The following MGAT4C variants were observed in gnomAD, a reference collection of about 807,000 sequenced individuals.
MGAT4C encodes the protein MGAT4 family member C, also known as alpha-1,3-mannosyl-glycoprotein 4-beta-N-acetylglucosaminyltransferase C.
MGAT4C carries 19 observed loss-of-function variants against 40.1 expected under a neutral mutation model. The observed-to-expected ratio is 0.47, with a 90% CI of 0.33 to 0.70. MGAT4C has a LOEUF of 0.70. Ranked by LOEUF, MGAT4C falls within the 30% of genes least tolerant of loss-of-function variation. The pLI is 0.02. For synonymous variants in MGAT4C, 181 were observed against 187.1 expected (o/e 0.97, Z 0.27); for missense variants, 491 against 563.2 (o/e 0.87, Z 1.30).
At chr12:86,656,891 T>C (rs1963863927) in intron 2 of MGAT4C, among the ~76,000 whole-genome samples, 1 of 152,216 alleles carries the variant, frequency 6.6e-6, no homozygotes, top group Non-Finnish European at 1.5e-5. Context: ...TGAAATTATG[T>C]TTTTCTTAAT....
intron 1 of MGAT4C, among the ~76,000 whole-genome samples, chr12:86,216,868 G>C (rs1479724853): frequency 1.3e-5 from 2 of 152,084 alleles, no homozygotes; most frequent in African/African-American, 2.4e-5. Flanking sequence ...ATAAGCTCAT[G>C]TTATCTTTGT....
chr12:86,218,119 T>C (rs962106894), intron 1 of MGAT4C, among the ~76,000 whole-genome samples: 2 of 152,006 alleles, frequency 1.3e-5, no homozygotes, highest in Admixed American at 6.5e-5. Flanking sequence ...TTTTAGGTCA[T>C]TGGAAAAAAA....
intron 1 of MGAT4C, among the ~76,000 whole-genome samples, 162 bp downstream of exon 1, chr12:86,256,077 T>A (rs923274091): frequency 6.6e-6 from 1 of 152,166 alleles, no homozygotes; most frequent in Non-Finnish European, 1.5e-5. Context: ...CAAGCTCTTT[T>A]TTTAATTCAT....
intron 2 of MGAT4C, among the ~76,000 whole-genome samples, chr12:86,679,000 G>A (rs1467596276): frequency 1.3e-5 from 2 of 152,004 alleles, no homozygotes; most frequent in Admixed American, 6.6e-5. Flanking sequence ...CTGAGGAATC[G>A]CCACACTGAC....
At chr12:86,766,244 A>C (rs1028329916) in intron 1 of MGAT4C, among the ~76,000 whole-genome samples, 1 of 152,152 alleles carries the variant, frequency 6.6e-6, no homozygotes, top group Admixed American at 6.5e-5. Flanking sequence ...CAGACTTTAA[A>C]CCAACAAAGA....
At chr12:86,496,543 A>C (rs1294750014) in intron 2 of MGAT4C, among the ~76,000 whole-genome samples, 1 of 152,000 alleles carries the variant, frequency 6.6e-6, no homozygotes, top group Non-Finnish European at 1.5e-5. Flanking sequence ...ATAATGTTTC[A>C]GAAATGCTTA....
At chr12:86,708,100 T>A (rs1389631430) in intron 2 of MGAT4C, among the ~76,000 whole-genome samples, 1 of 152,156 alleles carries the variant, frequency 6.6e-6, no homozygotes, top group African/African-American at 2.4e-5. Context: ...GCCGCTTCCA[T>A]CACAGGCCCA....
chr12:86,347,404 A>T (rs1955061344), intron 3 of MGAT4C, among the ~76,000 whole-genome samples: 1 of 152,178 alleles, frequency 6.6e-6, no homozygotes, highest in Admixed American at 6.6e-5. Context: ...TGAGTATTTG[A>T]TCACTGAATT....
chr12:86,736,675 T>C (rs1452583660), intron 1 of MGAT4C, among the ~76,000 whole-genome samples: 1 of 151,744 alleles, frequency 6.6e-6, no homozygotes, highest in African/African-American at 2.4e-5. Flanking sequence ...TGTACCTATA[T>C]AGAAGTCTTC....
At chr12:86,018,435 C>T (rs746360544) in intron 2 of MGAT4C, among the ~76,000 whole-genome samples, 8 of 152,164 alleles carry the variant, frequency 5.3e-5, no homozygotes, top group Non-Finnish European at 7.4e-5. Context: ...CTGTATGTAT[C>T]TGACTTGCTT....
rs773006681 is a variant in MGAT4C at position 85,983,774 on chromosome 12, T to C, written c.148-104A>G. The C allele has an allele frequency of 5.7e-6, 5 of 882,232 alleles. No homozygotes were observed. In the East Asian group the frequency reaches 1.4e-4, roughly 25 times the overall value. The allele number at this position is 882,232 out of a possible 1,614,324, so 54.7% of individuals were successfully genotyped here. On this transcript the variant is annotated intron_variant, in intron 3 of 4. Coordinates refer to ENST00000611864, the MANE Select transcript of MGAT4C (RefSeq NM_001351288.2). The stretch of plus-strand genomic sequence containing the variant: ...ATAAATGTACGACTACAATATATAG[T>C]ATGCAGGGTTATATAAATCTCAACT...
intron 2 of MGAT4C, among the ~76,000 whole-genome samples, chr12:86,489,630 T>A (rs1455562721): frequency 3.3e-5 from 5 of 152,216 alleles, no homozygotes; most frequent in Admixed American, 3.3e-4. Flanking sequence ...GCATGAAGTT[T>A]AACTCCTGCT....
intron 1 of MGAT4C, among the ~76,000 whole-genome samples, chr12:86,065,036 C>A (rs1894397461): frequency 6.6e-6 from 1 of 152,086 alleles, no homozygotes; most frequent in Non-Finnish European, 1.5e-5. Context: ...CCGAATAGAC[C>A]AATAACAAGT....
intron 1 of MGAT4C, among the ~76,000 whole-genome samples, chr12:86,063,819 G>A (rs1894234361): frequency 6.6e-6 from 1 of 152,158 alleles, no homozygotes; most frequent in Non-Finnish European, 1.5e-5. Context: ...ATTACATAAT[G>A]GTAAAGTTAT....
chr12:86,593,920 G>A (rs957801994), intron 2 of MGAT4C, among the ~76,000 whole-genome samples: 12 of 152,090 alleles, frequency 7.9e-5, no homozygotes, highest in Admixed American at 2.6e-4. Flanking sequence ...ACAATGTCAT[G>A]CTTTTCTCAT....
chr12:86,333,672 G>A (rs1954722948), intron 4 of MGAT4C, among the ~76,000 whole-genome samples: 1 of 151,984 alleles, frequency 6.6e-6, no homozygotes, highest in Non-Finnish European at 1.5e-5. Context: ...ATAAATATAT[G>A]TCCTAAGTAT....
chr12:86,622,216 A>G (rs1356409965), intron 2 of MGAT4C, among the ~76,000 whole-genome samples: 1 of 152,174 alleles, frequency 6.6e-6, no homozygotes, highest in Non-Finnish European at 1.5e-5. Context: ...GGGAAAGTGA[A>G]ATAAGGCGAA....
chr12:86,005,989 A>G (rs1452182804), intron 2 of MGAT4C, among the ~76,000 whole-genome samples: 1 of 152,140 alleles, frequency 6.6e-6, no homozygotes, highest in East Asian at 1.9e-4. Context: ...GTATCCGTCT[A>G]CAACTTCCAA....
chr12:86,825,711 T>A (rs1952793445), intron 1 of MGAT4C, among the ~76,000 whole-genome samples: 1 of 151,488 alleles, frequency 6.6e-6, no homozygotes, highest in Non-Finnish European at 1.5e-5. Context: ...TAGTAAATGA[T>A]GGAGCTAGAT....
Sources: allele counts gnomAD v4.1 joint callset (sites outside exome capture counted in the v4.1 genomes callset), GRCh38; gene constraint gnomAD v4.1.1; transcripts MANE v1.5; gene names NCBI Gene and HGNC (gene_info 2026-07-23, HGNC 2026-07-21).